Variants in PATJ observed in about 807,000 individuals in gnomAD.
PATJ encodes PATJ crumbs cell polarity complex component, also known as inaD-like protein.
In PATJ, 190 loss-of-function variants were observed where a neutral mutation model predicts 224.9. The ratio of observed to expected loss-of-function variants is 0.84; its 90% CI spans 0.75 to 0.95. The LOEUF (loss-of-function observed/expected upper bound fraction) is 0.95, where lower values mean the gene tolerates loss of function less well. Among genes scored for constraint, PATJ ranks in the 40% least tolerant of loss-of-function variants. PATJ has a pLI of 0.00. For missense variants in PATJ, 2,121 were observed against 2,270.3 expected, an observed-to-expected ratio of 0.93 and a Z score of 1.34; for synonymous variants, 769 against 820.3, an observed-to-expected ratio of 0.94 and a Z score of 1.07.
chr1:62,023,934 T>C lies in PATJ; in HGVS notation c.3959+5987T>C, dbSNP rs561333230. On this transcript the variant is annotated intron_variant, in intron 29 of 43. Transcript: ENST00000642238. ...ATGTTGGATTTTATCAAAAGCTTTT[T>C]CTGCATCTATTGAGATGATCATCAT... Among the ~76,000 whole-genome samples, 5 of 152,350 alleles carry C rather than the reference T, an allele frequency of 3.3e-5. No homozygotes were observed. The East Asian group carries it at 9.7e-4, about 29-fold the overall frequency.
chr1:61,973,789 A>C (rs537909859), intron 27 of PATJ, among the ~76,000 whole-genome samples: 1 of 152,114 alleles, frequency 6.6e-6, no homozygotes, highest in African/African-American at 2.4e-5. Context: ...TCCTAAAATT[A>C]CATTTGGCTT....
At chr1:62,094,760 T>C (rs529245008) in intron 33 of PATJ, among the ~76,000 whole-genome samples, 4 of 152,316 alleles carry the variant, frequency 2.6e-5, no homozygotes, top group African/African-American at 9.6e-5. Flanking sequence ...AAACAGTAGG[T>C]ACTGAACATT....
intron 27 of PATJ, among the ~76,000 whole-genome samples, chr1:61,963,223 A>C (rs1446190080): frequency 1.3e-5 from 2 of 152,226 alleles, no homozygotes; most frequent in Non-Finnish European, 2.9e-5. Flanking sequence ...CCAATAACAC[A>C]ACCAATCAGT....
At chr1:62,120,980 A>G (rs1218318423) in intron 37 of PATJ, 17 of 473,308 alleles carry the variant, frequency 3.6e-5, no homozygotes, top group Middle Eastern at 5.4e-4. Flanking sequence ...GGAGAAAGCA[A>G]TGGAGGAAAT....
At chr1:61,875,067 C>A (rs1482501516) in intron 20 of PATJ, among the ~76,000 whole-genome samples, 176 bp from the exon 21 acceptor site, 3 of 152,230 alleles carry the variant, frequency 2.0e-5, no homozygotes, top group Non-Finnish European at 4.4e-5. Flanking sequence ...AGCCTATACT[C>A]TTGCAGATAT....
At chr1:62,085,648 T>A (rs180843218) in intron 33 of PATJ, among the ~76,000 whole-genome samples, 4 of 151,916 alleles carry the variant, frequency 2.6e-5, no homozygotes, top group African/African-American at 7.2e-5. Context: ...ACCTCATCTC[T>A]ACAAAGAAAA....
In PATJ at chr1:62,024,791, G is replaced by T. The variant is rs566475172; in HGVS notation, c.3959+6844G>T. Among the ~76,000 whole-genome samples, 258 of 152,102 alleles carry T rather than the reference G, an allele frequency of 1.7e-3. 1 individual carries two copies. The highest frequency in any genetic ancestry group is 2.9e-3 in the Non-Finnish European group (197 of 68,010). ...GCCAATTCTTTCTCTCACTGCCAAA[G>T]TGTGGCCAGCGGGTGTTCAATGTGT... On this transcript the variant is annotated intron_variant, in intron 29 of 43. Transcript: ENST00000642238.
At chr1:61,913,845 G>C (rs574351251) in intron 25 of PATJ, among the ~76,000 whole-genome samples, 28 of 152,296 alleles carry the variant, frequency 1.8e-4, no homozygotes, top group African/African-American at 6.7e-4. Context: ...CTGTCAAACA[G>C]ATGTGTTATC....
At chr1:62,036,586 G>A (rs945029171) in intron 29 of PATJ, among the ~76,000 whole-genome samples, 5 of 152,248 alleles carry the variant, frequency 3.3e-5, no homozygotes, top group African/African-American at 1.2e-4. Context: ...GGCTAAATAT[G>A]TGAATTTGGA....
At position 61,749,241 on chromosome 1, in the gene PATJ, C is replaced by T. The variant is rs974490493; in HGVS notation, c.-36+6686C>T. 8.6e-5 allele frequency among the ~76,000 whole-genome samples: 13 copies of T among 151,446 alleles called. 1 individual carries two copies. The highest frequency in any genetic ancestry group is 1.9e-4 in the East Asian group (1 of 5,144). ...CAGGCTGGTCTCGAACTCCTGACCT[C>T]GTGATCCACCCGCCTCAGCCTCTGA... On this transcript the variant is annotated intron_variant, in intron 1 of 43. Coordinates refer to ENST00000642238, the MANE Select transcript of PATJ (RefSeq NM_001350145.3).
intron 8 of PATJ, among the ~76,000 whole-genome samples, chr1:61,788,683 T>TTTGTG (rs1313817750): frequency 1.8e-4 from 28 of 152,086 alleles, no homozygotes; most frequent in Admixed American, 1.4e-3. Flanking sequence ...TTTGTTTTGT[T>TTTGTG]TTGTTTTTGA....
At chr1:62,151,503 A>G (rs1164929295) in intron 42 of PATJ, among the ~76,000 whole-genome samples, 1 of 152,190 alleles carries the variant, frequency 6.6e-6, no homozygotes, top group South Asian at 2.1e-4. Flanking sequence ...AGGCAGGAGA[A>G]TGGCATAAAC....
intron 31 of PATJ, among the ~76,000 whole-genome samples, chr1:62,052,571 G>A (rs1012855301): frequency 3.3e-5 from 5 of 151,830 alleles, no homozygotes; most frequent in Admixed American, 6.6e-5. Flanking sequence ...GAGAAACCCC[G>A]TCTCTACTGA....
chr1:62,056,578 C>T (rs1408247583), intron 31 of PATJ, among the ~76,000 whole-genome samples: 2 of 151,978 alleles, frequency 1.3e-5, no homozygotes, highest in African/African-American at 2.4e-5. Context: ...GTCAGGACTT[C>T]GAGACCAACC....
chr1:62,143,710 A>C (rs1234543468), intron 41 of PATJ, among the ~76,000 whole-genome samples: 2 of 150,138 alleles, frequency 1.3e-5, no homozygotes, highest in African/African-American at 5.1e-5. Flanking sequence ...TCTGCCTCCC[A>C]AAGTGCTGGG....
At chr1:61,908,882 G>A (rs182611670) in intron 25 of PATJ, among the ~76,000 whole-genome samples, 47 of 152,300 alleles carry the variant, frequency 3.1e-4, no homozygotes, top group Middle Eastern at 3.4e-3. Context: ...TTTATTAAAG[G>A]ATGTAAAAAT....
chr1:61,929,646 G>C (rs1355937108), intron 27 of PATJ, among the ~76,000 whole-genome samples: 1 of 152,134 alleles, frequency 6.6e-6, no homozygotes. Flanking sequence ...AGTAGAAATG[G>C]GGTTCAAACC....
At chr1:61,871,063 G>A (rs367557803) in intron 20 of PATJ, among the ~76,000 whole-genome samples, 2 of 116,212 alleles carry the variant, frequency 1.7e-5, no homozygotes, top group African/African-American at 6.2e-5. Context: ...TTAAAGATTT[G>A]GTTTTTGTTT....
chr1:62,133,815 C>G (rs1419857578), intron 41 of PATJ, among the ~76,000 whole-genome samples: 3 of 147,098 alleles, frequency 2.0e-5, no homozygotes, highest in Admixed American at 6.9e-5. Context: ...GGCACAATCT[C>G]GGCTCCACTG....
Sources: gnomAD v4.1 joint callset for allele counts (sites outside exome capture counted in the v4.1 genomes callset) on GRCh38, gnomAD v4.1.1 for gene constraint, MANE v1.5 for transcripts, NCBI Gene and HGNC (gene_info 2026-07-23, HGNC 2026-07-21) for gene names.